Variants in AKAP7 observed in about 807,000 individuals in gnomAD.
AKAP7 encodes A kinase (PRKA) anchor protein 7.
Under a neutral mutation model 39.5 loss-of-function variants are expected in AKAP7, and 39 were observed. The ratio of observed to expected loss-of-function variants is 0.99; its 90% CI spans 0.76 to 1.29. AKAP7 has a LOEUF of 1.29. Among genes scored for constraint, AKAP7 ranks in the 50% most tolerant of loss-of-function variants. AKAP7 has a pLI of 0.00. For missense variants in AKAP7, 414 were observed against 407.7 expected, an observed-to-expected ratio of 1.02 and a Z score of -0.13; for synonymous variants, 140 against 139.1, an observed-to-expected ratio of 1.01 and a Z score of -0.05.
intron 7 of AKAP7, chr6:131,242,001 T>G: frequency 1.1e-6 from 1 of 931,666 alleles, no homozygotes; most frequent in Non-Finnish European, 1.3e-6. Context: ...TTATTTCCCT[T>G]TATGAAGTTT....
rs1488333362 is a variant in AKAP7 at position 131,282,175 on chromosome 6, A to G, written c.*449A>G. ...AATCACTGTTGGAATTGTCATCTGT[A>G]CAATTAGTCCATAATGTTTCATGTT... On this transcript the variant is annotated 3_prime_UTR_variant, in exon 8 of 8. Coordinates refer to ENST00000431975, the MANE Select transcript of AKAP7 (RefSeq NM_016377.4). The G allele has an allele frequency of 3.4e-5, 43 of 1,253,354 alleles. No homozygotes were observed. In the East Asian group the frequency reaches 1.4e-3, roughly 42 times the overall value. 77.6% of individuals were successfully genotyped at this position (1,253,354 alleles called of 1,614,324 possible).
intron 7 of AKAP7, among the ~76,000 whole-genome samples, chr6:131,254,492 C>T (rs12214638): frequency 0.12 from 17,786 of 152,210 alleles, 1,192 homozygotes; most frequent in Admixed American, 0.19. Flanking sequence ...ATGTAGATAC[C>T]TCTGTAACTA....
chr6:131,149,871 A>T (rs1425145359), intron 2 of AKAP7, among the ~76,000 whole-genome samples: 1 of 152,226 alleles, frequency 6.6e-6, no homozygotes, highest in African/African-American at 2.4e-5. Flanking sequence ...ATGGAGAGTC[A>T]TTCTGCTGTT....
At chr6:131,164,857 G>A (rs1203212552) in intron 3 of AKAP7, among the ~76,000 whole-genome samples, 1 of 152,180 alleles carries the variant, frequency 6.6e-6, no homozygotes, top group African/African-American at 2.4e-5. Context: ...TGTTAAGATA[G>A]ACAATCATCA....
At chr6:131,138,126 C>T (rs778920668) in intron 1 of AKAP7, among the ~76,000 whole-genome samples, 4 of 152,136 alleles carry the variant, frequency 2.6e-5, no homozygotes, top group Non-Finnish European at 5.9e-5. Context: ...CCACCACCCT[C>T]CCCAGCCTCT....
chr6:131,126,199 G>A, the AKAP7 span, among the ~76,000 whole-genome samples: 501 of 152,278 alleles, frequency 3.3e-3, 2 homozygotes, highest in African/African-American at 0.011. Context: ...TGGTTGCTCA[G>A]ATTATTTACA....
chr6:131,240,124 CA>C (rs1470118854), intron 7 of AKAP7, among the ~76,000 whole-genome samples: 1 of 152,202 alleles, frequency 6.6e-6, no homozygotes, highest in Admixed American at 6.5e-5. Context: ...TTCCATCTAA[CA>C]GTCAGGATCC....
At chr6:131,237,076 G>T (rs931422939) in intron 7 of AKAP7, among the ~76,000 whole-genome samples, 10 of 152,096 alleles carry the variant, frequency 6.6e-5, no homozygotes, top group East Asian at 5.8e-4. Context: ...TTGAGATACG[G>T]CCCATCAATA....
chr6:131,186,429 A>G lies in AKAP7; in HGVS notation c.590-13032A>G, dbSNP rs189697084. ...TCTTATAAGTTATCCAGTCTCAGGT[A>G]TTTTTTTTTTAAATAGCAATGCAGA... On this transcript the variant is annotated intron_variant, in intron 5 of 7. Transcript: ENST00000431975. 5.6e-3 allele frequency among the ~76,000 whole-genome samples: 838 copies of G among 150,272 alleles called. 8 individuals carry two copies. Among genetic ancestry groups the G allele is most frequent in the South Asian group, 0.011 (53 of 4,760 alleles).
chr6:131,222,923 T>G (rs1562225474), intron 7 of AKAP7, among the ~76,000 whole-genome samples: 1 of 152,192 alleles, frequency 6.6e-6, no homozygotes, highest in African/African-American at 2.4e-5. Context: ...TTTAAGAAAT[T>G]GCCACAACCA....
At position 131,190,480 on chromosome 6, in the gene AKAP7, A is replaced by G. The variant is rs2128271097; in HGVS notation, c.590-8981A>G. On this transcript the variant is annotated intron_variant, in intron 5 of 7. Transcript: ENST00000431975. ...CAACATGACAAAACCCATAACTACT[A>G]AAAATACAAAAATTAGCCAGGCATG... 1.3e-5 allele frequency among the ~76,000 whole-genome samples: 2 copies of G among 152,136 alleles called. 1 individual carries two copies. The highest frequency in any genetic ancestry group is 4.2e-4 in the South Asian group (2 of 4,816).
At chr6:131,253,017 G>A (rs1812559412) in intron 7 of AKAP7, 8 of 1,612,284 alleles carry the variant, frequency 5.0e-6, no homozygotes, top group Non-Finnish European at 6.8e-6. Flanking sequence ...AAATTTGTGG[G>A]TGTTATTCTC....
At chr6:131,243,983 A>G (rs1311189534) in intron 7 of AKAP7, among the ~76,000 whole-genome samples, 2 of 150,844 alleles carry the variant, frequency 1.3e-5, no homozygotes, top group Non-Finnish European at 2.9e-5. Flanking sequence ...TAGATTAAGT[A>G]TATTCTTTGC....
At chr6:131,197,583 A>G (rs534298547) in intron 5 of AKAP7, among the ~76,000 whole-genome samples, 3 of 151,844 alleles carry the variant, frequency 2.0e-5, no homozygotes, top group African/African-American at 7.3e-5. Context: ...TCTTTTTCTT[A>G]GTGTGTTTTA....
intron 6 of AKAP7, among the ~76,000 whole-genome samples, chr6:131,209,164 G>C (rs1009958789): frequency 6.7e-6 from 1 of 150,046 alleles, no homozygotes; most frequent in East Asian, 1.9e-4. Context: ...GATAATTCCA[G>C]CTTAAGTGAT....
intron 5 of AKAP7, among the ~76,000 whole-genome samples, chr6:131,172,442 C>T (rs1026017842): frequency 7.9e-5 from 12 of 152,062 alleles, no homozygotes; most frequent in African/African-American, 2.9e-4. Flanking sequence ...CTTGAGCCTC[C>T]TAGGCTCAAG....
chr6:131,280,106 G>T (rs542587032), intron 7 of AKAP7, among the ~76,000 whole-genome samples: 1 of 151,946 alleles, frequency 6.6e-6, no homozygotes, highest in African/African-American at 2.4e-5. Flanking sequence ...TTCTTTAACC[G>T]TATTATTTAG....
intron 3 of AKAP7, among the ~76,000 whole-genome samples, chr6:131,161,110 C>A (rs1802899495): frequency 6.6e-6 from 1 of 151,894 alleles, no homozygotes; most frequent in Non-Finnish European, 1.5e-5. Context: ...GGAATGCTAA[C>A]AAATTGTTAA....
At chr6:131,257,078 C>T (rs1812927520) in intron 7 of AKAP7, among the ~76,000 whole-genome samples, 1 of 151,908 alleles carries the variant, frequency 6.6e-6, no homozygotes, top group African/African-American at 2.4e-5. Flanking sequence ...TTTTTCTGTG[C>T]ATTTGTCTTA....
Sources: gnomAD v4.1 joint callset for allele counts (sites outside exome capture counted in the v4.1 genomes callset) on GRCh38, gnomAD v4.1.1 for gene constraint, MANE v1.5 for transcripts, NCBI Gene and HGNC (gene_info 2026-07-23, HGNC 2026-07-21) for gene names.